PIR: variants seen among roughly 807,000 people sequenced by gnomAD.
PIR encodes pirin (iron-binding nuclear protein).
In PIR, 22 loss-of-function variants were observed where a neutral mutation model predicts 24.2. The observed-to-expected ratio is 0.91, with a 90% confidence interval of 0.65 to 1.30. The LOEUF (loss-of-function observed/expected upper bound fraction) is 1.30. PIR is among the 50% of genes most tolerant of loss of function. The pLI, the probability that PIR is intolerant of heterozygous loss-of-function variation, is 0.00. For missense variants in PIR, 220 were observed against 220.3 expected (o/e 1.00, Z 0.01); for synonymous variants, 80 against 79.6 (o/e 1.00, Z -0.03).
intron 5 of PIR, chrX:15,429,986 CT>C (rs1040863109): frequency 1.8e-5 from 2 of 111,694 alleles, no homozygotes; most frequent in Admixed American, 9.5e-5. Context: ...ACATTGTTTC[CT>C]GTGTTGTTTT....
intron 3 of PIR, among the ~76,000 whole-genome samples, chrX:15,460,373 G>A (rs1421607048): frequency 8.9e-6 from 1 of 111,813 alleles, no homozygotes; most frequent in Non-Finnish European, 1.9e-5. Context: ...AATAGATAAT[G>A]TGGTATATAT....
At chrX:15,459,209 T>C (rs1464692548) in intron 4 of PIR, among the ~76,000 whole-genome samples, 1 of 111,670 alleles carries the variant, frequency 9.0e-6, no homozygotes, top group Non-Finnish European at 1.9e-5. Context: ...AATAATACAT[T>C]GTCTCAAATG....
At chrX:15,466,721 A>G (rs1921616624) in intron 3 of PIR, among the ~76,000 whole-genome samples, 1 of 111,837 alleles carries the variant, frequency 8.9e-6, no homozygotes, top group Non-Finnish European at 1.9e-5. Context: ...CTCCGTGGGC[A>G]GAGATCCCAT....
chrX:15,478,024 C>A (rs908998757), intron 3 of PIR, among the ~76,000 whole-genome samples: 1 of 52,927 alleles, frequency 1.9e-5, no homozygotes, highest in Admixed American at 2.5e-4. Context: ...TCCCCCCCCC[C>A]CAGAAAGCAT....
At chrX:15,460,798 G>A (rs1471991954) in intron 3 of PIR, among the ~76,000 whole-genome samples, 1 of 110,494 alleles carries the variant, frequency 9.1e-6, no homozygotes, top group Non-Finnish European at 1.9e-5. Flanking sequence ...AAATCATCAC[G>A]TTGTACACCT....
chrX:15,411,131 A>G (rs1174155284), intron 6 of PIR, among the ~76,000 whole-genome samples: 1 of 110,937 alleles, frequency 9.0e-6, no homozygotes, highest in Non-Finnish European at 1.9e-5. Flanking sequence ...CCTTTCTCCT[A>G]CAAATATGGT....
chrX:15,468,933 C>T (rs1432341062), intron 3 of PIR, among the ~76,000 whole-genome samples: 3 of 112,219 alleles, frequency 2.7e-5, no homozygotes, highest in Non-Finnish European at 5.6e-5. Flanking sequence ...TGATACACTG[C>T]CATTAACTAA....
At chrX:15,419,469 A>C (rs1431841000) in intron 6 of PIR, among the ~76,000 whole-genome samples, 1 of 110,096 alleles carries the variant, frequency 9.1e-6, no homozygotes, top group Non-Finnish European at 1.9e-5. Flanking sequence ...CACTATAACT[A>C]AAAGTGATGT....
intron 5 of PIR, among the ~76,000 whole-genome samples, chrX:15,452,673 T>C (rs769477300): frequency 8.9e-6 from 1 of 112,212 alleles, no homozygotes; most frequent in South Asian, 3.8e-4. Context: ...GGTAAACTCC[T>C]GTGTCTTGGA....
At chrX:15,441,454 G>C (rs1925912268) in intron 5 of PIR, among the ~76,000 whole-genome samples, 1 of 111,709 alleles carries the variant, frequency 9.0e-6, no homozygotes, top group African/African-American at 3.3e-5. Context: ...GGGTAAAATT[G>C]ATCCTAGAGA....
In PIR at chrX:15,491,118, C is replaced by A. The variant is rs761165790; in HGVS notation, c.96+44G>T. ...AAATCACCATCAACATCCCACCAGT[C>A]CCTTCTGAAAAGAAAACAAGGAGCA... On this transcript the variant is annotated intron_variant, in intron 2 of 9. Coordinates refer to ENST00000380420, the MANE Select transcript of PIR (RefSeq NM_001018109.3). 1.4e-5 allele frequency: 12 copies of A among 888,410 alleles called. No individual in the cohort carries two copies. The South Asian group carries it at 1.9e-4, about 14-fold the overall frequency. 73.2% of individuals were successfully genotyped at this position (888,410 alleles called of 1,213,427 possible).
intron 6 of PIR, among the ~76,000 whole-genome samples, chrX:15,409,914 G>GT (rs1197954202): frequency 0.014 from 1,473 of 107,697 alleles, 13 homozygotes; most frequent in South Asian, 0.028. Context: ...TGTGTTTTCA[G>GT]TTTTTTTTTT....
chrX:15,461,014 G>A (rs1921277285), intron 3 of PIR, among the ~76,000 whole-genome samples: 1 of 112,103 alleles, frequency 8.9e-6, no homozygotes, highest in Non-Finnish European at 1.9e-5. Flanking sequence ...CAATGTCTTT[G>A]ACAGAATCTC....
chrX:15,479,878 G>T, intron 2 of PIR, 57 bp from the exon 3 acceptor site: 2 of 612,654 alleles, frequency 3.3e-6, no homozygotes, highest in South Asian at 3.3e-5. Context: ...TACTACCAGG[G>T]GCTACATTTA....
At chrX:15,478,141 T>C (rs769224610) in intron 3 of PIR, among the ~76,000 whole-genome samples, 2 of 110,328 alleles carry the variant, frequency 1.8e-5, no homozygotes, top group Admixed American at 2.0e-4. Context: ...GTAGTTACTA[T>C]CTCCACACAG....
At chrX:15,463,737 G>T (rs1921415556) in intron 3 of PIR, among the ~76,000 whole-genome samples, 1 of 111,971 alleles carries the variant, frequency 8.9e-6, no homozygotes, top group South Asian at 3.7e-4. Context: ...CATTTGTATG[G>T]GAAATTAATA....
rs767802108 is a variant in PIR, at chrX:15,407,524, A to G, written c.592T>C (p.Ser198Pro). The G allele has an allele frequency of 1.7e-6, 2 of 1,202,478 alleles. No individual in the cohort carries two copies. Among genetic ancestry groups the G allele is most frequent in the East Asian group, 3.0e-5 (1 of 33,844 alleles). The change falls in exon 7 of 10, where the codon TCT becomes CCT. Residue 198 changes from serine to proline, a missense_variant. By Grantham distance (74) the Ser-to-Pro change is moderately conservative. Coordinates refer to ENST00000380420, the MANE Select transcript of PIR (RefSeq NM_001018109.3). Reference sequence around the variant, plus strand: ...AACTTACCAATATACACATCTCCAGATATCGTGTAAATGAAGCTTGTCCAC... The same window carrying G: ...AACTTACCAATATACACATCTCCAGGTATCGTGTAAATGAAGCTTGTCCAC... ...KGWTSFIYTI[S>P]GDVYIGPDDA...
intron 3 of PIR, among the ~76,000 whole-genome samples, chrX:15,466,076 G>A (rs1921579166): frequency 2.3e-5 from 2 of 85,935 alleles, no homozygotes; most frequent in South Asian, 5.2e-4. Context: ...AACAAAACAC[G>A]AGTTGAGGTC....
chrX:15,484,107 A>T (rs902540968), intron 2 of PIR, among the ~76,000 whole-genome samples: 2 of 111,093 alleles, frequency 1.8e-5, no homozygotes, highest in Non-Finnish European at 3.8e-5. Context: ...ATTCATTGTT[A>T]TCAAGAACTT....
Sources: allele counts gnomAD v4.1 joint callset (sites outside exome capture counted in the v4.1 genomes callset), GRCh38; gene constraint gnomAD v4.1.1; transcripts MANE v1.5; gene names NCBI Gene and HGNC (gene_info 2026-07-23, HGNC 2026-07-21).